GABRA2: variants seen among roughly 807,000 people sequenced by gnomAD.
GABRA2 encodes gamma-aminobutyric acid receptor subunit alpha-2.
In GABRA2, 16 loss-of-function variants were observed where a neutral mutation model predicts 48.7. The ratio of observed to expected loss-of-function variants is 0.33; its 90% CI spans 0.22 to 0.50. The LOEUF is 0.50. Among genes scored for constraint, GABRA2 ranks in the 20% least tolerant of loss-of-function variants. The probability of loss-of-function intolerance (pLI) is 0.98; values close to 1 mark genes in which losing one functional copy is unlikely to be tolerated. For missense variants in GABRA2, 275 were observed against 535.6 expected (o/e 0.51, Z 4.80); for synonymous variants, 185 against 184.5 (o/e 1.00, Z -0.02).
chr4:46,269,925 T>C (rs1718996229), intron 8 of GABRA2, among the ~76,000 whole-genome samples: 1 of 151,964 alleles, frequency 6.6e-6, no homozygotes, highest in Admixed American at 6.6e-5. Flanking sequence ...CAGGGATACT[T>C]GATGGCATCT....
chr4:46,257,667 T>G (rs1363845641), intron 9 of GABRA2, among the ~76,000 whole-genome samples: 11 of 151,716 alleles, frequency 7.3e-5, no homozygotes, highest in Non-Finnish European at 1.3e-4. Context: ...AATAATTGAT[T>G]AAAGAACTGA....
At chr4:46,388,160 G>A (rs867411883) in intron 2 of GABRA2, among the ~76,000 whole-genome samples, 1 of 151,730 alleles carries the variant, frequency 6.6e-6, no homozygotes. Flanking sequence ...CCTCCACCTA[G>A]AGGTTTAAGA....
chr4:46,305,776 A>G (rs1025896494), intron 6 of GABRA2, 65 bp from the exon 7 acceptor site: 2 of 1,198,412 alleles, frequency 1.7e-6, no homozygotes, highest in African/African-American at 1.5e-5. Context: ...GTGCTACACG[A>G]ACGGTTGTGT....
intron 3 of GABRA2, among the ~76,000 whole-genome samples, chr4:46,340,564 A>G (rs1733045144): frequency 6.6e-6 from 1 of 152,038 alleles, no homozygotes; most frequent in Non-Finnish European, 1.5e-5. Context: ...GCAGATGATC[A>G]TGAAGCATTT....
rs886363170 is a variant in GABRA2, at chr4:46,244,543, G to T, written c.*5765C>A. Among the ~76,000 whole-genome samples, 1 of 151,388 alleles carries T rather than the reference G, an allele frequency of 6.6e-6. No homozygotes were observed. Among genetic ancestry groups the T allele is most frequent in the African/African-American group, 2.4e-5 (1 of 41,356 alleles). ...GGCATCCCTTGGGATCAATTCAGGC[G>T]TCATTCTATAAACGGTAACTTACAA... On this transcript the variant is annotated 3_prime_UTR_variant, in exon 10 of 10. Coordinates refer to ENST00000381620, the MANE Select transcript of GABRA2 (RefSeq NM_000807.4).
In GABRA2 at chr4:46,248,978, A is replaced by T. The variant is rs923668554; in HGVS notation, c.*1330T>A. 6.6e-6 allele frequency: 1 copy of T among 150,634 alleles called. No individual in the cohort carries two copies. The highest frequency in any genetic ancestry group is 1.5e-5 in the Non-Finnish European group (1 of 67,542). The allele number at this position is 150,634 out of a possible 1,614,324, so 9.3% of individuals were successfully genotyped here. A position where few individuals can be genotyped will look rare whatever the true frequency, so the allele number is the denominator to read the frequency against. On this transcript the variant is annotated 3_prime_UTR_variant, in exon 10 of 10. Coordinates refer to ENST00000381620, the MANE Select transcript of GABRA2 (RefSeq NM_000807.4). ...ATTAAAAGAAAAATGAATTTTACCC[A>T]TTAATAACTAGTAATTATATAAAAT...
In GABRA2 at chr4:46,257,988, C is replaced by T. The variant is rs1577780987; in HGVS notation, c.1059+3938G>A. Among the ~76,000 whole-genome samples the T allele has an allele frequency of 4.0e-5, 6 of 151,534 alleles. No homozygotes were observed. The Admixed American group carries it at 4.0e-4, about 10-fold the overall frequency. On this transcript the variant is annotated intron_variant, in intron 9 of 9. Transcript: ENST00000381620. ...GATATAAAATCTATTTTATTTTATC[C>T]TTTCTAAAACAGATATTGTTATATT...
At chr4:46,278,536 T>A (rs1577878309) in intron 8 of GABRA2, among the ~76,000 whole-genome samples, 1 of 152,068 alleles carries the variant, frequency 6.6e-6, no homozygotes, top group South Asian at 2.1e-4. Context: ...ATTGCTTGCT[T>A]CAGATCATGA....
intron 9 of GABRA2, among the ~76,000 whole-genome samples, chr4:46,257,813 G>A (rs767648130): frequency 1.3e-5 from 2 of 151,592 alleles, no homozygotes; most frequent in Non-Finnish European, 3.0e-5. Context: ...GTGAAAATAT[G>A]GTCTAAGATA....
In GABRA2 at chr4:46,390,100, CG is replaced by C; in HGVS notation, c.-377del. The C allele has an allele frequency of 1.0e-6, 1 of 970,916 alleles. No individual in the cohort carries two copies. The highest frequency in any genetic ancestry group is 1.2e-6 in the Non-Finnish European group (1 of 818,740). The allele number at this position is 970,916 out of a possible 1,614,324, so 60.1% of individuals were successfully genotyped here. A position where few individuals can be genotyped will look rare whatever the true frequency, so the allele number is the denominator to read the frequency against. On this transcript the variant is annotated 5_prime_UTR_variant, in exon 1 of 10. Transcript: ENST00000381620. ...ACGCGGGCGGAGGCGCGGTGCGCGC[CG>C]GCGGTGGCGGGCACGAGCCCCGCGC...
At chr4:46,340,355 A>G (rs767678165) in intron 3 of GABRA2, among the ~76,000 whole-genome samples, 1 of 152,036 alleles carries the variant, frequency 6.6e-6, no homozygotes, top group Non-Finnish European at 1.5e-5. Flanking sequence ...AAGAAATCCC[A>G]CATCCATTTG....
At chr4:46,369,049 T>C (rs190526796) in intron 3 of GABRA2, 26 of 695,612 alleles carry the variant, frequency 3.7e-5, no homozygotes, top group Non-Finnish European at 5.5e-5. Flanking sequence ...GCAAAATAAT[T>C]ACATAATCAA....
intron 2 of GABRA2, chr4:46,386,829 T>A (rs976371926): frequency 5.2e-5 from 8 of 152,564 alleles, no homozygotes; most frequent in African/African-American, 9.6e-5. Context: ...CAGCAACACA[T>A]ACACAGCTGC....
At chr4:46,363,106 A>T (rs148946091) in intron 3 of GABRA2, among the ~76,000 whole-genome samples, 1 of 152,150 alleles carries the variant, frequency 6.6e-6, no homozygotes, top group Admixed American at 6.6e-5. Context: ...TATATCCATT[A>T]CCTGCAAGAC....
intron 8 of GABRA2, among the ~76,000 whole-genome samples, chr4:46,276,363 AC>A (rs1194720541): frequency 1.3e-5 from 2 of 152,080 alleles, no homozygotes; most frequent in African/African-American, 4.8e-5. Flanking sequence ...CCTGGGCAAG[AC>A]TGAATTTGGA....
intron 8 of GABRA2, among the ~76,000 whole-genome samples, chr4:46,283,145 T>G (rs542147297): frequency 6.6e-6 from 1 of 152,300 alleles, no homozygotes; most frequent in Admixed American, 6.5e-5. Context: ...AAAACTGAAT[T>G]TATTTAAGAA....
intron 3 of GABRA2, among the ~76,000 whole-genome samples, chr4:46,374,982 A>G (rs1271101643): frequency 6.6e-6 from 1 of 152,218 alleles, no homozygotes; most frequent in Non-Finnish European, 1.5e-5. Flanking sequence ...ATATGAAACC[A>G]TTTTCAATTT....
At chr4:46,276,608 A>G (rs1577870801) in intron 8 of GABRA2, among the ~76,000 whole-genome samples, 1 of 152,024 alleles carries the variant, frequency 6.6e-6, no homozygotes, top group East Asian at 1.9e-4. Flanking sequence ...TCAAAAAAAA[A>G]AAAAAAAAGA....
intron 8 of GABRA2, among the ~76,000 whole-genome samples, chr4:46,277,693 C>A (rs903550631): frequency 2.6e-5 from 4 of 152,088 alleles, no homozygotes; most frequent in Non-Finnish European, 2.9e-5. Flanking sequence ...ATGACCTTAT[C>A]CATGGGCTGC....
Sources: gnomAD v4.1 joint callset for allele counts (sites outside exome capture counted in the v4.1 genomes callset) on GRCh38, gnomAD v4.1.1 for gene constraint, MANE v1.5 for transcripts, NCBI Gene and HGNC (gene_info 2026-07-23, HGNC 2026-07-21) for gene names.